The following MAN1C1 variants were observed in gnomAD, a reference collection of about 807,000 sequenced individuals.
MAN1C1 encodes the protein mannosidase alpha class 1C member 1, also known as mannosyl-oligosaccharide 1,2-alpha-mannosidase IC.
A neutral mutation model predicts 71.5 loss-of-function variants in MAN1C1; 49 were observed. The observed-to-expected ratio is 0.69, with a 90% confidence interval of 0.54 to 0.87. The LOEUF (loss-of-function observed/expected upper bound fraction) is 0.87. Ranked by LOEUF, MAN1C1 falls within the 40% of genes least tolerant of loss-of-function variation. The pLI is 0.00. For synonymous variants in MAN1C1, 352 were observed against 343.7 expected (o/e 1.02, Z -0.27); for missense variants, 743 against 835.0 (o/e 0.89, Z 1.36).
In MAN1C1 at chr1:25,768,589, C is replaced by T. The variant is rs146632513; in HGVS notation, c.1142-3068C>T. Among the ~76,000 whole-genome samples, 84 of 86,704 alleles carry T rather than the reference C, an allele frequency of 9.7e-4. 3 individuals are homozygous for T. The highest frequency in any genetic ancestry group is 1.5e-3 in the African/African-American group (33 of 22,590). The allele number at this position is 86,704 out of a possible 152,430, so 56.9% of individuals were successfully genotyped here. A position where few individuals can be genotyped will look rare whatever the true frequency, so the allele number is the denominator to read the frequency against. ...CACTCCCCCCACACACAGACCCACA[C>T]ACCCACACTCCCCTCACATACATCC... On this transcript the variant is annotated intron_variant, in intron 7 of 11. Transcript: ENST00000374332.
chr1:25,746,064 G>A lies in MAN1C1; in HGVS notation c.638-604G>A, dbSNP rs562063249. On this transcript the variant is annotated intron_variant, in intron 2 of 11. Coordinates refer to ENST00000374332, the MANE Select transcript of MAN1C1 (RefSeq NM_020379.4). The surrounding 1 kb of genome is among the most constrained non-coding windows in gnomAD (Gnocchi z 4.0). ...CTCACGCCTGTAATCCAGCACTTTG[G>A]GAGGCCGAAGTGGGTGGATCACTTG... Among the ~76,000 whole-genome samples the A allele has an allele frequency of 7.4e-4, 113 of 152,216 alleles. 1 individual carries two copies. The highest frequency in any genetic ancestry group is 2.5e-3 in the African/African-American group (103 of 41,540).
At chr1:25,756,574 G>T (rs943786804) in intron 5 of MAN1C1, among the ~76,000 whole-genome samples, 1 of 152,234 alleles carries the variant, frequency 6.6e-6, no homozygotes, top group African/African-American at 2.4e-5. Flanking sequence ...GACTCACTGA[G>T]ATCACAAGCT....
At position 25,746,512 on chromosome 1, in the gene MAN1C1, G is replaced by A. The variant is rs533674431; in HGVS notation, c.638-156G>A. 3.9e-5 allele frequency among the ~76,000 whole-genome samples: 6 copies of A among 152,292 alleles called. No homozygotes were observed. Among genetic ancestry groups the A allele is most frequent in the South Asian group, 2.1e-4 (1 of 4,818 alleles). On this transcript the variant is annotated intron_variant, in intron 2 of 11. Coordinates refer to ENST00000374332, the MANE Select transcript of MAN1C1 (RefSeq NM_020379.4). The surrounding 1 kb of genome is among the most constrained non-coding windows in gnomAD (Gnocchi z 4.0). ...GACTCTGGGTCTCGGCGTCACCTTC[G>A]ATGGTGGCACTGGAGTCCCCCGGAT...
At chr1:25,644,518 A>ATTTTTTTTTTTT (rs1203077345) in intron 1 of MAN1C1, 4 of 40,286 alleles carry the variant, frequency 9.9e-5, no homozygotes, top group South Asian at 8.5e-4. Flanking sequence ...ATATATATAT[A>ATTTTTTTTTTTT]TTTTTTTTTT....
In MAN1C1 at chr1:25,618,170, C is replaced by T. The variant is rs1572096887; in HGVS notation, c.373C>T (p.Arg125Trp). Residue 125 changes from arginine (R) to tryptophan (W), a missense_variant, in exon 1 of 12, where the codon CGG becomes TGG. Coordinates refer to ENST00000374332, the MANE Select transcript of MAN1C1 (RefSeq NM_020379.4). ...TGPREEATAA[R>W]GNSIPASRPG... ...ACCCCGCGAGGAGGCCACGGCGGCC[C>T]GGGGCAATAGCATCCCGGCCTCCAG... 6.4e-7 allele frequency: 1 copy of T among 1,558,924 alleles called. No homozygotes were observed. The highest frequency in any genetic ancestry group is 8.6e-7 in the Non-Finnish European group (1 of 1,158,838).
At chr1:25,737,964 C>T (rs765243388) in intron 2 of MAN1C1, among the ~76,000 whole-genome samples, 4 of 152,004 alleles carry the variant, frequency 2.6e-5, no homozygotes, top group Non-Finnish European at 4.4e-5. Flanking sequence ...GAACTTGCCA[C>T]GGCTGGGACC....
At chr1:25,675,907 A>T (rs1388711017) in intron 1 of MAN1C1, among the ~76,000 whole-genome samples, 1 of 152,226 alleles carries the variant, frequency 6.6e-6, no homozygotes, top group Non-Finnish European at 1.5e-5. Context: ...ACTCAAGGCC[A>T]CACAGCCAGT....
intron 8 of MAN1C1, among the ~76,000 whole-genome samples, chr1:25,772,570 G>T (rs2047567925): frequency 6.6e-6 from 1 of 152,098 alleles, no homozygotes; most frequent in African/African-American, 2.4e-5. Context: ...AAAGCAAGTT[G>T]AGCAAGTCGG....
chr1:25,737,843 G>A (rs1280635061), intron 2 of MAN1C1, among the ~76,000 whole-genome samples: 1 of 152,142 alleles, frequency 6.6e-6, no homozygotes, highest in Non-Finnish European at 1.5e-5. Flanking sequence ...GGCATCCCAG[G>A]CAGAGGGACC....
chr1:25,672,316 A>C (rs886804259), intron 1 of MAN1C1, among the ~76,000 whole-genome samples: 2 of 152,276 alleles, frequency 1.3e-5, no homozygotes, highest in East Asian at 3.9e-4. Flanking sequence ...TCCTAACTCA[A>C]CCCACCAACT....
At chr1:25,734,937 G>C (rs2046960971) in intron 2 of MAN1C1, among the ~76,000 whole-genome samples, 1 of 152,224 alleles carries the variant, frequency 6.6e-6, no homozygotes, top group African/African-American at 2.4e-5. Flanking sequence ...TCTTCACGGA[G>C]GAAGAAACAT....
rs983953825 is a variant in MAN1C1 at position 25,681,454 on chromosome 1, C to T, written c.541-4986C>T. Reference sequence around the variant, plus strand: ...TAACAAGTACCAGCATTCCACACTCCAGAAGGAAAGTAGCTGTTTAGCATA... The same window carrying T: ...TAACAAGTACCAGCATTCCACACTCTAGAAGGAAAGTAGCTGTTTAGCATA... On this transcript the variant is annotated intron_variant, in intron 1 of 11. Coordinates refer to ENST00000374332, the MANE Select transcript of MAN1C1 (RefSeq NM_020379.4). 2.6e-5 allele frequency among the ~76,000 whole-genome samples: 4 copies of T among 152,062 alleles called. No homozygotes were observed. In the East Asian group the frequency reaches 5.8e-4, roughly 22 times the overall value.
At chr1:25,650,895 A>T (rs2045682108) in intron 1 of MAN1C1, among the ~76,000 whole-genome samples, 1 of 152,148 alleles carries the variant, frequency 6.6e-6, no homozygotes, top group Non-Finnish European at 1.5e-5. Context: ...CCTATTTCAA[A>T]TCAGTTTTAA....
chr1:25,736,492 C>G (rs1240423376), intron 2 of MAN1C1, among the ~76,000 whole-genome samples: 2 of 152,118 alleles, frequency 1.3e-5, no homozygotes, highest in Non-Finnish European at 2.9e-5. Context: ...CACCATACCA[C>G]CCTAAAAGGG....
At position 25,781,059 on chromosome 1, in the gene MAN1C1, T is replaced by C. The variant is rs1460509552; in HGVS notation, c.1597T>C (p.Trp533Arg). 12 of 1,613,952 alleles carry C rather than the reference T, an allele frequency of 7.4e-6. No homozygotes were observed. Among genetic ancestry groups the C allele is most frequent in the Non-Finnish European group, 1.0e-5 (12 of 1,180,018 alleles). Residue 533 changes from tryptophan to arginine, a missense_variant, in exon 10 of 12, where the codon TGG becomes CGG. By Grantham distance (101) the Trp-to-Arg change is moderately radical (BLOSUM62 -3). Transcript: ENST00000374332. ...PEVVESYMYL[W>R]RQTHNPIYRE... ...GGTGGTGGAGAGCTACATGTACCTG[T>C]GGCGACAGACCCACAACCCCATCTA...
chr1:25,691,568 G>A (rs1464091962), intron 2 of MAN1C1, among the ~76,000 whole-genome samples: 1 of 152,228 alleles, frequency 6.6e-6, no homozygotes, highest in Non-Finnish European at 1.5e-5. Context: ...CGTCAGCTGC[G>A]ATGAGGATGC....
rs750214180 is a variant in MAN1C1, at chr1:25,782,604, G to T, written c.1670G>T (p.Arg557Leu). 1 of 1,613,754 alleles carries T rather than the reference G, an allele frequency of 6.2e-7. No homozygotes were observed. Among genetic ancestry groups the T allele is most frequent in the African/African-American group, 1.3e-5 (1 of 74,868 alleles). The part of the protein sequence containing the change: ...EVVLALEKYC[R>L]TEAGFSGIQD... ...CCTCAGGCCTTGGAGAAATACTGTCGGACAGAAGCCGGTTTCTCTGGGATC... is the reference window on the plus strand; with the variant it reads ...CCTCAGGCCTTGGAGAAATACTGTCTGACAGAAGCCGGTTTCTCTGGGATC... Residue 557 changes from arginine (R) to leucine (L), a missense_variant, in exon 11 of 12, where the codon CGG becomes CTG. Coordinates refer to ENST00000374332, the MANE Select transcript of MAN1C1 (RefSeq NM_020379.4). The surrounding 1 kb of genome is among the most constrained non-coding windows in gnomAD (Gnocchi z 4.4).
chr1:25,712,248 G>A (rs115034821), intron 2 of MAN1C1, among the ~76,000 whole-genome samples: 1,559 of 152,318 alleles, frequency 0.01, 31 homozygotes, highest in African/African-American at 0.035. Flanking sequence ...GGCTCCCCAC[G>A]TCTAACCTCC....
intron 1 of MAN1C1, among the ~76,000 whole-genome samples, chr1:25,684,437 T>TG (rs986777330): frequency 3.3e-5 from 5 of 152,176 alleles, no homozygotes; most frequent in African/African-American, 4.8e-5. Flanking sequence ...TGGCCAAGCC[T>TG]GGGGGGGTGT....
Sources: gnomAD v4.1 joint callset for allele counts (sites outside exome capture counted in the v4.1 genomes callset) on GRCh38, gnomAD v4.1.1 for gene constraint, Gnocchi (gnomAD v3.1) non-coding constraint, MANE v1.5 for transcripts, NCBI Gene and HGNC (gene_info 2026-07-23, HGNC 2026-07-21) for gene names.